The following CPEB2 variants were observed in gnomAD, a reference collection of about 807,000 sequenced individuals.
The protein encoded by CPEB2 is cytoplasmic polyadenylation element-binding protein 2.
In CPEB2, 56 loss-of-function variants were observed where a neutral mutation model predicts 93.6. The ratio of observed to expected loss-of-function variants is 0.60; its 90% confidence interval spans 0.48 to 0.75. The LOEUF (loss-of-function observed/expected upper bound fraction) is 0.75, where lower values mean the gene tolerates loss of function less well. Ranked by LOEUF, CPEB2 falls within the 30% of genes least tolerant of loss-of-function variation. The probability of loss-of-function intolerance (pLI) is 0.00; values close to 1 mark genes in which losing one functional copy is unlikely to be tolerated. For missense variants in CPEB2, 1,579 were observed against 1,395.1 expected, an observed-to-expected ratio of 1.13 and a Z score of -2.10; for synonymous variants, 764 against 586.3, an observed-to-expected ratio of 1.30 and a Z score of -4.38.
Position 15,002,563 on chromosome 4 carries a change from T to A in CPEB2, c.-111T>A. The A allele has an allele frequency of 1.2e-6, 1 of 861,888 alleles. No individual in the cohort carries two copies. Among genetic ancestry groups the A allele is most frequent in the East Asian group, 3.1e-5 (1 of 32,126 alleles). 53.4% of individuals were successfully genotyped at this position (861,888 alleles called of 1,614,324 possible). On this transcript the variant is annotated 5_prime_UTR_variant, in exon 1 of 12. Transcript: ENST00000538197. ...CCCTGGCTCAGTCACGGTGTCCCTC[T>A]CTCACTGACTCCCCCTCCTTCCACC... is the stretch of plus-strand genomic sequence containing the variant.
intron 8 of CPEB2, among the ~76,000 whole-genome samples, chr4:15,057,720 A>G (rs1284610663): frequency 6.6e-6 from 1 of 152,184 alleles, no homozygotes; most frequent in Non-Finnish European, 1.5e-5. Flanking sequence ...GACAGTTTGA[A>G]AAATGTATTC....
At chr4:15,031,092 A>G (rs1410607147) in intron 4 of CPEB2, among the ~76,000 whole-genome samples, 4 of 151,736 alleles carry the variant, frequency 2.6e-5, no homozygotes, top group African/African-American at 9.7e-5. Context: ...TCTATACATA[A>G]CTCTTTTAGC....
chr4:15,060,491 C>T (rs1729087776), intron 10 of CPEB2, among the ~76,000 whole-genome samples: 1 of 151,968 alleles, frequency 6.6e-6, no homozygotes, highest in Admixed American at 6.6e-5. Context: ...GTGGAGAAAG[C>T]CAACTGAACA....
chr4:15,003,337 G>T lies in CPEB2; in HGVS notation c.664G>T (p.Ala222Ser). 7.1e-7 allele frequency: 1 copy of T among 1,399,766 alleles called. No homozygotes were observed. The highest frequency in any genetic ancestry group is 9.2e-7 in the Non-Finnish European group (1 of 1,090,664). The allele number at this position is 1,399,766 out of a possible 1,614,324, so 86.7% of individuals were successfully genotyped here. Reference protein sequence around the residue: ...PPPAGPLLQPAQLAQRQQQQP... With the variant: ...PPPAGPLLQPSQLAQRQQQQP... ...GCCAGCCGGCCCGCTCCTCCAGCCGGCGCAGCTCGCTCAGCGCCAGCAGCA... is the reference window on the plus strand; with the variant it reads ...GCCAGCCGGCCCGCTCCTCCAGCCGTCGCAGCTCGCTCAGCGCCAGCAGCA... The change falls in exon 1 of 12, where the codon GCG becomes TCG. Residue 222 changes from alanine to serine, a missense_variant. Physicochemically the swap from Ala to Ser is moderately conservative, Grantham distance 99. Coordinates refer to ENST00000538197, the MANE Select transcript of CPEB2 (RefSeq NM_001177382.2).
At chr4:15,045,832 C>A (rs1373162641) in intron 6 of CPEB2, among the ~76,000 whole-genome samples, 1 of 152,054 alleles carries the variant, frequency 6.6e-6, no homozygotes, top group Non-Finnish European at 1.5e-5. Context: ...AAAATAATTT[C>A]ATAAGTAATT....
chr4:15,059,574 C>T (rs1729009478), intron 10 of CPEB2, among the ~76,000 whole-genome samples: 1 of 152,036 alleles, frequency 6.6e-6, no homozygotes, highest in Non-Finnish European at 1.5e-5. Context: ...TAAATACTTC[C>T]GATTTCCTAA....
In CPEB2 at chr4:15,066,457, C is replaced by T. The variant is rs1353470008; in HGVS notation, c.*77C>T. Reference sequence around the variant, plus strand: ...TACTGTGTCTGAAGATACTGACATGCAGAAGAAATAAGTGCATTCTTCTGC... The same window carrying T: ...TACTGTGTCTGAAGATACTGACATGTAGAAGAAATAAGTGCATTCTTCTGC... On this transcript the variant is annotated 3_prime_UTR_variant, in exon 12 of 12. Coordinates refer to ENST00000538197, the MANE Select transcript of CPEB2 (RefSeq NM_001177382.2). 6 of 1,049,048 alleles carry T rather than the reference C, an allele frequency of 5.7e-6. No homozygotes were observed. Among genetic ancestry groups the T allele is most frequent in the Non-Finnish European group, 8.6e-6 (6 of 697,694 alleles). 65.0% of individuals were successfully genotyped at this position (1,049,048 alleles called of 1,614,324 possible). A position where few individuals can be genotyped will look rare whatever the true frequency, so the allele number is the denominator to read the frequency against.
chr4:15,045,209 C>A (rs73797789), intron 6 of CPEB2, among the ~76,000 whole-genome samples: 15,062 of 152,106 alleles, frequency 0.099, 1,544 homozygotes, highest in African/African-American at 0.25. Flanking sequence ...TTTTAAAGAA[C>A]CTTTAATTAG....
At chr4:15,056,311 T>G (rs1367715534) in intron 8 of CPEB2, among the ~76,000 whole-genome samples, 1 of 152,134 alleles carries the variant, frequency 6.6e-6, no homozygotes, top group Non-Finnish European at 1.5e-5. Flanking sequence ...GGAAATAGAA[T>G]TTTAAAAAGG....
chr4:15,015,334 T>C (rs1044927738), intron 3 of CPEB2, among the ~76,000 whole-genome samples: 1 of 152,058 alleles, frequency 6.6e-6, no homozygotes, highest in Admixed American at 6.6e-5. Flanking sequence ...GCAGCTGTTA[T>C]TGATGCATGT....
At chr4:15,055,312 A>G (rs753265192) in intron 8 of CPEB2, among the ~76,000 whole-genome samples, 7 of 152,026 alleles carry the variant, frequency 4.6e-5, no homozygotes, top group Non-Finnish European at 8.8e-5. Flanking sequence ...AAAGCTATCT[A>G]CCTCTCTCCA....
intron 5 of CPEB2, among the ~76,000 whole-genome samples, chr4:15,038,307 G>A (rs1456614567): frequency 3.3e-5 from 5 of 152,146 alleles, no homozygotes. Context: ...AACTGGCTAT[G>A]ATATCATTAA....
rs900102070 is a variant in CPEB2, at chr4:15,014,188, G to A, written c.2035-3000G>A. On this transcript the variant is annotated intron_variant, in intron 3 of 11. Transcript: ENST00000538197. ...GTTACTTGGGAAATATTGTTTGGGTGATTTAATAGTTACCATTAATTAAGG... is the reference window on the plus strand; with the variant it reads ...GTTACTTGGGAAATATTGTTTGGGTAATTTAATAGTTACCATTAATTAAGG... Among the ~76,000 whole-genome samples, 21 of 152,156 alleles carry A rather than the reference G, an allele frequency of 1.4e-4. 1 individual carries two copies. The highest frequency in any genetic ancestry group is 1.1e-3 in the Admixed American group (17 of 15,286).
intron 6 of CPEB2, among the ~76,000 whole-genome samples, chr4:15,044,653 C>G (rs1727488269): frequency 6.6e-6 from 1 of 152,160 alleles, no homozygotes; most frequent in Non-Finnish European, 1.5e-5. Context: ...TTTGCAGAAT[C>G]ATACCCGAGT....
intron 5 of CPEB2, among the ~76,000 whole-genome samples, chr4:15,037,541 A>G (rs1462241929): frequency 6.6e-6 from 1 of 152,172 alleles, no homozygotes; most frequent in Non-Finnish European, 1.5e-5. Context: ...TAGTCAGAAT[A>G]TTAGAATCAT....
chr4:15,062,041 T>A, intron 10 of CPEB2, 38 bp from the exon 11 acceptor site: 1 of 1,526,210 alleles, frequency 6.6e-7, no homozygotes, highest in Non-Finnish European at 8.9e-7. Context: ...ATTACTGTGT[T>A]CTCTCACATT....
In CPEB2 at chr4:15,066,500, A is replaced by T; in HGVS notation, c.*120A>T. 1.4e-6 allele frequency: 1 copy of T among 701,878 alleles called. No individual in the cohort carries two copies. The highest frequency in any genetic ancestry group is 2.4e-6 in the Non-Finnish European group (1 of 411,688). 43.5% of individuals were successfully genotyped at this position (701,878 alleles called of 1,614,324 possible). ...TCTTCTGCTTTTCACCCCAGCTATCAATACATGCATCTTTATCAGCAGCCA... is the reference window on the plus strand; with the variant it reads ...TCTTCTGCTTTTCACCCCAGCTATCTATACATGCATCTTTATCAGCAGCCA... On this transcript the variant is annotated 3_prime_UTR_variant, in exon 12 of 12. Transcript: ENST00000538197.
intron 5 of CPEB2, among the ~76,000 whole-genome samples, chr4:15,038,634 G>T (rs1337357797): frequency 2.0e-5 from 3 of 150,952 alleles, no homozygotes; most frequent in Admixed American, 6.6e-5. Flanking sequence ...TGTCTCCCAG[G>T]CTGGATTGCA....
Position 15,054,201 on chromosome 4 carries a change from C to T in CPEB2, c.2445C>T (p.Ser815=), listed in dbSNP as rs763483678. Reference sequence around the variant, plus strand: ...GGCCTCATAAAGCAGAAAGCAAGTCCTATTTTCCACCAAAAGGTAAGGATT... The same window carrying T: ...GGCCTCATAAAGCAGAAAGCAAGTCTTATTTTCCACCAAAAGGTAAGGATT... ...VDWPHKAESK[S]YFPPKGYAFL... Residue 815 remains serine, a synonymous_variant, in exon 8 of 12, where the codon TCC becomes TCT. Coordinates refer to ENST00000538197, the MANE Select transcript of CPEB2 (RefSeq NM_001177382.2). 1 of 1,608,886 alleles carries T rather than the reference C, an allele frequency of 6.2e-7. No individual in the cohort carries two copies. Among genetic ancestry groups the T allele is most frequent in the Non-Finnish European group, 8.5e-7 (1 of 1,177,340 alleles).
Sources: gnomAD v4.1 joint callset for allele counts (sites outside exome capture counted in the v4.1 genomes callset) on GRCh38, gnomAD v4.1.1 for gene constraint, MANE v1.5 for transcripts, NCBI Gene and HGNC (gene_info 2026-07-23, HGNC 2026-07-21) for gene names.